PRELID2: variants seen among roughly 807,000 people sequenced by gnomAD.
PRELID2 encodes PRELI domain containing 2.
In PRELID2, 25 loss-of-function variants were observed where a neutral mutation model predicts 28.4. The ratio of observed to expected loss-of-function variants is 0.88; its 90% CI spans 0.64 to 1.23. The LOEUF (loss-of-function observed/expected upper bound fraction) is 1.23. PRELID2 is among the 50% of genes most tolerant of loss of function. The pLI is 0.00. For synonymous variants in PRELID2, 76 were observed against 71.6 expected (o/e 1.06, Z -0.31); for missense variants, 201 against 214.4 (o/e 0.94, Z 0.39).
Position 145,557,370 on chromosome 5 carries a change from G to C in PRELID2, n.71-84055C>G, listed in dbSNP as rs569849780. Among the ~76,000 whole-genome samples the C allele has an allele frequency of 4.9e-4, 75 of 152,302 alleles. 1 individual carries two copies. The highest frequency in any genetic ancestry group is 1.8e-3 in the African/African-American group (74 of 41,568). On this transcript the variant is annotated intron_variant and non_coding_transcript_variant, in intron 1 of 2. Coordinates refer to the PRELID2 transcript ENST00000510259. Reference sequence around the variant, plus strand: ...TTAGTTGGGACTTTGTTAGGTTATGGACCAAAATCATTTAGAAACTTGAGG... The same window carrying C: ...TTAGTTGGGACTTTGTTAGGTTATGCACCAAAATCATTTAGAAACTTGAGG...
At chr5:145,728,058 A>G (rs1232242912) in intron 1 of PRELID2, among the ~76,000 whole-genome samples, 1 of 152,200 alleles carries the variant, frequency 6.6e-6, no homozygotes, top group Admixed American at 6.5e-5. Context: ...TCCATAATTC[A>G]GAATATTCCT....
intron 1 of PRELID2, among the ~76,000 whole-genome samples, chr5:145,499,805 C>T (rs1752344136): frequency 1.3e-5 from 2 of 152,206 alleles, no homozygotes; most frequent in South Asian, 4.1e-4. Flanking sequence ...TTCCAGTCAG[C>T]TCTGCTGCCA....
intron 1 of PRELID2, among the ~76,000 whole-genome samples, chr5:145,527,420 G>A (rs1019342533): frequency 7.2e-5 from 11 of 152,128 alleles, no homozygotes; most frequent in African/African-American, 2.7e-4. Flanking sequence ...AGCATACATA[G>A]GATCTCTGTG....
chr5:145,459,813 A>AT, the PRELID2 span, among the ~76,000 whole-genome samples: 11,196 of 141,880 alleles, frequency 0.079, 889 homozygotes, highest in African/African-American at 0.19. Context: ...TTACAATTTA[A>AT]TTTTTTTTTT....
At chr5:145,331,700 T>A in the PRELID2 span, among the ~76,000 whole-genome samples, 1 of 152,156 alleles carries the variant, frequency 6.6e-6, no homozygotes, top group African/African-American at 2.4e-5. Flanking sequence ...TACAGCACAC[T>A]GATGGGTCTT....
intron 1 of PRELID2, among the ~76,000 whole-genome samples, chr5:145,553,798 G>C (rs1303447982): frequency 1.3e-5 from 2 of 152,118 alleles, no homozygotes; most frequent in East Asian, 3.8e-4. Flanking sequence ...ATTGTGACAG[G>C]GTGACTCTTG....
the PRELID2 span, among the ~76,000 whole-genome samples, chr5:145,410,179 TTAATC>T: frequency 2.6e-5 from 4 of 152,182 alleles, no homozygotes; most frequent in Non-Finnish European, 4.4e-5. Flanking sequence ...ATCAAAGACT[TTAATC>T]TAAGACTTGA....
At chr5:145,424,279 C>T in the PRELID2 span, among the ~76,000 whole-genome samples, 8 of 152,304 alleles carry the variant, frequency 5.3e-5, no homozygotes, top group East Asian at 1.9e-4. Context: ...TCGAGCTTCC[C>T]GGCTGCTTTG....
At chr5:145,604,990 TG>T (rs1308222252) in intron 1 of PRELID2, among the ~76,000 whole-genome samples, 1 of 149,334 alleles carries the variant, frequency 6.7e-6, no homozygotes, top group Non-Finnish European at 1.5e-5. Flanking sequence ...TGTCTGTTCA[TG>T]GTCCTTTGCC....
In PRELID2 at chr5:145,650,531, C is replaced by T. The variant is rs993998147; in HGVS notation, n.70+114400G>A. The stretch of plus-strand genomic sequence containing the variant: ...GAGCATATCGAATCGCACATATATA[C>T]ATATATATATATATATATATATATA... On this transcript the variant is annotated intron_variant and non_coding_transcript_variant, in intron 1 of 2. Coordinates refer to the PRELID2 transcript ENST00000510259. 3.3e-3 allele frequency among the ~76,000 whole-genome samples: 230 copies of T among 68,672 alleles called. 5 individuals are homozygous for T. The highest frequency in any genetic ancestry group is 7.7e-3 in the Admixed American group (37 of 4,790). 45.1% of individuals were successfully genotyped at this position (68,672 alleles called of 152,430 possible).
chr5:145,334,878 G>T, the PRELID2 span, among the ~76,000 whole-genome samples: 13 of 150,420 alleles, frequency 8.6e-5, no homozygotes, highest in Non-Finnish European at 1.8e-4. Flanking sequence ...GTCCTTGTGT[G>T]TCAAGTTGCT....
the PRELID2 span, among the ~76,000 whole-genome samples, chr5:145,401,336 C>G: frequency 1.3e-5 from 2 of 151,556 alleles, no homozygotes; most frequent in African/African-American, 4.9e-5. Flanking sequence ...TAAAACTAAT[C>G]AAGTTAAGAA....
intron 1 of PRELID2, among the ~76,000 whole-genome samples, chr5:145,577,730 G>A (rs1049561836): frequency 1.3e-5 from 2 of 152,086 alleles, no homozygotes; most frequent in African/African-American, 4.8e-5. Flanking sequence ...ATCATTTGAT[G>A]AATATTTGGG....
the PRELID2 span, among the ~76,000 whole-genome samples, chr5:145,313,758 G>A: frequency 6.6e-6 from 1 of 152,108 alleles, no homozygotes; most frequent in Non-Finnish European, 1.5e-5. Flanking sequence ...CCAAAGAGTT[G>A]CAGCATTACA....
intron 1 of PRELID2, among the ~76,000 whole-genome samples, chr5:145,499,882 C>A (rs150541433): frequency 3.9e-5 from 6 of 152,328 alleles, no homozygotes; most frequent in African/African-American, 1.2e-4. Context: ...TGCTGTTACT[C>A]CACAAACAAA....
At chr5:145,538,933 C>A (rs1752723233) in intron 1 of PRELID2, among the ~76,000 whole-genome samples, 1 of 151,882 alleles carries the variant, frequency 6.6e-6, no homozygotes, top group African/African-American at 2.4e-5. Context: ...CAGCAGAAAG[C>A]CTCACTGCAT....
At chr5:145,508,358 TAA>T (rs1752431382) in intron 1 of PRELID2, among the ~76,000 whole-genome samples, 1 of 152,048 alleles carries the variant, frequency 6.6e-6, no homozygotes, top group Non-Finnish European at 1.5e-5. Context: ...GAAGTTGAAA[TAA>T]ACAGACATAT....
At chr5:145,564,943 A>G (rs1198609923) in intron 1 of PRELID2, among the ~76,000 whole-genome samples, 4 of 152,110 alleles carry the variant, frequency 2.6e-5, no homozygotes, top group African/African-American at 7.2e-5. Context: ...GGATGAAGTG[A>G]CACCCCACCC....
chr5:145,686,941 C>T (rs888633793), intron 1 of PRELID2, among the ~76,000 whole-genome samples: 1 of 151,856 alleles, frequency 6.6e-6, no homozygotes, highest in Non-Finnish European at 1.5e-5. Flanking sequence ...GGCATTTTAC[C>T]CACATTTGAT....
Sources: gnomAD v4.1 joint callset for allele counts (sites outside exome capture counted in the v4.1 genomes callset) on GRCh38, gnomAD v4.1.1 for gene constraint, MANE v1.5 for transcripts, NCBI Gene and HGNC (gene_info 2026-07-23, HGNC 2026-07-21) for gene names.